The following ABI3BP variants were observed in gnomAD, a reference collection of about 807,000 sequenced individuals.
ABI3BP encodes target of Nesh-SH3.
Under a neutral mutation model 268.6 loss-of-function variants are expected in ABI3BP, and 216 were observed. That is an observed-to-expected ratio of 0.80 (90% CI 0.72 to 0.90). The LOEUF is 0.90. Ranked by LOEUF, ABI3BP falls within the 40% of genes least tolerant of loss-of-function variation. ABI3BP has a pLI of 0.00. For synonymous variants in ABI3BP, 730 were observed against 730.0 expected (o/e 1.00, Z 0.00); for missense variants, 2,090 against 2,182.4 (o/e 0.96, Z 0.84).
chr3:100,822,417 G>C (rs2098256920), intron 38 of ABI3BP, among the ~76,000 whole-genome samples, 172 bp downstream of exon 38: 1 of 152,196 alleles, frequency 6.6e-6, no homozygotes, highest in Admixed American at 6.5e-5. Flanking sequence ...TTGCTCCACA[G>C]ATCTCCTAAC....
intron 9 of ABI3BP, 94 bp from the exon 10 acceptor site, chr3:100,867,050 C>T: frequency 1.1e-6 from 1 of 876,188 alleles, no homozygotes; most frequent in Non-Finnish European, 1.8e-6. Context: ...AAAATCTAAT[C>T]TCACACTCCT....
In ABI3BP at chr3:100,993,332, AG is replaced by A. The variant is rs1377625477; in HGVS notation, c.52del (p.Leu18TrpfsTer28). ...TTTTGGCAATTTCTGTGCATTTCCC[AG>A]GGCTAGTGTAATACTTCCACAGAGA... ...LLLCGSITLA[L>X]GNAQKLPKGK... is the part of the protein sequence containing the mutation. On this transcript the variant is annotated frameshift_variant, in exon 1 of 68. Coordinates refer to ENST00000471714, the MANE Select transcript of ABI3BP (RefSeq NM_001375547.2). LOFTEE classifies it high-confidence loss of function. 1.9e-6 allele frequency: 3 copies of A among 1,552,502 alleles called. No homozygotes were observed.
chr3:100,837,166 C>T lies in ABI3BP; in HGVS notation c.2089G>A (p.Glu697Lys), dbSNP rs1403649514. 6.5e-7 allele frequency: 1 copy of T among 1,533,884 alleles called. No individual in the cohort carries two copies. Among genetic ancestry groups the T allele is most frequent in the Admixed American group, 2.0e-5 (1 of 50,706 alleles). Residue 697 changes from glutamate to lysine, a missense_variant, in exon 27 of 68, where the codon GAG becomes AAG. Coordinates refer to ENST00000471714, the MANE Select transcript of ABI3BP (RefSeq NM_001375547.2). ...PDMPPTKSVSEPVPFETEAPS... is the reference protein window; with the variant it reads ...PDMPPTKSVSKPVPFETEAPS... ...GCTTCAGTTTCAAATGGAACAGGCT[C>T]AGAGACTGCATCATAAAAAATAAAC... is the stretch of plus-strand genomic sequence containing the variant.
rs529157513 is a variant in ABI3BP at position 100,844,764 on chromosome 3, T to C, written c.1723+1608A>G. 3.9e-5 allele frequency among the ~76,000 whole-genome samples: 6 copies of C among 152,332 alleles called. No individual in the cohort carries two copies. In the East Asian group the frequency reaches 1.2e-3, roughly 29 times the overall value. ...AGGTGTGGATTCTGAAGTCATTACA[T>C]TGCTGTTAGAGGAAAAGGGGTGGAT... On this transcript the variant is annotated intron_variant, in intron 20 of 67. Coordinates refer to ENST00000471714, the MANE Select transcript of ABI3BP (RefSeq NM_001375547.2).
chr3:100,893,579 C>T (rs1278854603), intron 4 of ABI3BP, among the ~76,000 whole-genome samples: 3 of 152,002 alleles, frequency 2.0e-5, no homozygotes, highest in Non-Finnish European at 2.9e-5. Context: ...CACCAAGAGA[C>T]ATTTCAGTGG....
At chr3:100,852,253 G>A (rs114377293) in intron 14 of ABI3BP, among the ~76,000 whole-genome samples, 2 of 152,310 alleles carry the variant, frequency 1.3e-5, no homozygotes, top group African/African-American at 2.4e-5. Context: ...GCTGCAAAGA[G>A]TATAAACATA....
chr3:100,803,977 T>C (rs2097613688), intron 51 of ABI3BP, among the ~76,000 whole-genome samples: 1 of 152,196 alleles, frequency 6.6e-6, no homozygotes, highest in South Asian at 2.1e-4. Flanking sequence ...TAGAAATTCT[T>C]TGGCTCTGGA....
At position 100,956,066 on chromosome 3, in the gene ABI3BP, T is replaced by G. The variant is rs375133788; in HGVS notation, c.80-29585A>C. ...AGCCTGGCACGGTGGCATGTACCTGTAATCCCAGCTACTTGGGAGGCTGAG... is the reference window on the plus strand; with the variant it reads ...AGCCTGGCACGGTGGCATGTACCTGGAATCCCAGCTACTTGGGAGGCTGAG... On this transcript the variant is annotated intron_variant, in intron 1 of 67. Transcript: ENST00000471714. Among the ~76,000 whole-genome samples the G allele has an allele frequency of 1.9e-4, 29 of 151,962 alleles. 1 individual carries two copies. The South Asian group carries it at 5.8e-3, about 31-fold the overall frequency.
chr3:100,844,828 G>A (rs550765789), intron 20 of ABI3BP, among the ~76,000 whole-genome samples: 39 of 152,258 alleles, frequency 2.6e-4, no homozygotes, highest in African/African-American at 8.7e-4. Context: ...TCAAAGGAAT[G>A]TAAACACATT....
intron 1 of ABI3BP, among the ~76,000 whole-genome samples, chr3:100,981,017 C>T (rs1404535988): frequency 3.3e-5 from 5 of 152,124 alleles, no homozygotes; most frequent in African/African-American, 1.2e-4. Context: ...TTGTTGCCAC[C>T]CTTCGAGGGA....
intron 4 of ABI3BP, among the ~76,000 whole-genome samples, chr3:100,898,220 T>C (rs1361282895): frequency 6.6e-6 from 1 of 152,232 alleles, no homozygotes; most frequent in African/African-American, 2.4e-5. Flanking sequence ...ATTCTCAAAC[T>C]TCAGTGGGCA....
intron 60 of ABI3BP, among the ~76,000 whole-genome samples, chr3:100,774,982 TG>T (rs1441551998): frequency 6.6e-6 from 1 of 152,236 alleles, no homozygotes; most frequent in Non-Finnish European, 1.5e-5. Context: ...GATCTTTTTA[TG>T]AACCAAAGTT....
intron 34 of ABI3BP, 36 bp downstream of exon 34, chr3:100,828,357 A>T: frequency 6.6e-7 from 1 of 1,511,254 alleles, no homozygotes; most frequent in Non-Finnish European, 8.9e-7. Flanking sequence ...CAGTGAGCAG[A>T]AAAAGCACTT....
At chr3:100,845,466 G>A (rs2098755822) in intron 20 of ABI3BP, among the ~76,000 whole-genome samples, 1 of 152,032 alleles carries the variant, frequency 6.6e-6, no homozygotes, top group African/African-American at 2.4e-5. Context: ...TTTTCTTTAA[G>A]CAGTTACATT....
rs117449421 is a variant in ABI3BP, at chr3:100,894,278, G to T, written c.461+4484C>A. ...TTTAGAAAGCAATACAGAGACAAGTGAGGTGATATTTCAAGAGAAAAAGTC... is the reference window on the plus strand; with the variant it reads ...TTTAGAAAGCAATACAGAGACAAGTTAGGTGATATTTCAAGAGAAAAAGTC... On this transcript the variant is annotated intron_variant, in intron 4 of 67. Transcript: ENST00000471714. Among the ~76,000 whole-genome samples, 177 of 152,324 alleles carry T rather than the reference G, an allele frequency of 1.2e-3. 2 individuals are homozygous for T. In the East Asian group the frequency reaches 0.029, roughly 25 times the overall value.
At chr3:100,852,511 G>C (rs2098861221) in intron 14 of ABI3BP, among the ~76,000 whole-genome samples, 1 of 152,114 alleles carries the variant, frequency 6.6e-6, no homozygotes, top group Non-Finnish European at 1.5e-5. Context: ...GACAATAGGA[G>C]GTTATCTCCA....
intron 9 of ABI3BP, among the ~76,000 whole-genome samples, chr3:100,872,113 G>C (rs1302716125): frequency 6.6e-6 from 1 of 152,104 alleles, no homozygotes; most frequent in Non-Finnish European, 1.5e-5. Flanking sequence ...CAAAGTGCTG[G>C]GGTTACAGGC....
chr3:100,807,737 C>A (rs140024542), intron 50 of ABI3BP, among the ~76,000 whole-genome samples: 9 of 151,968 alleles, frequency 5.9e-5, no homozygotes, highest in Admixed American at 1.3e-4. Flanking sequence ...CTTCCTTTGC[C>A]GGTATCCTGG....
intron 62 of ABI3BP, among the ~76,000 whole-genome samples, chr3:100,769,914 A>G (rs1045546173): frequency 4.6e-5 from 7 of 152,168 alleles, no homozygotes; most frequent in African/African-American, 1.7e-4. Flanking sequence ...GTCTGAGGAG[A>G]CATAGCTGCT....
Sources: allele counts gnomAD v4.1 joint callset (sites outside exome capture counted in the v4.1 genomes callset), GRCh38; gene constraint gnomAD v4.1.1; transcripts MANE v1.5; gene names NCBI Gene and HGNC (gene_info 2026-07-23, HGNC 2026-07-21).